The following ANGPT2 variants were observed in gnomAD, a reference collection of about 807,000 sequenced individuals.
ANGPT2 encodes angiopoietin 2, also known as angiopoietin-2.
ANGPT2 carries 28 observed loss-of-function variants against 62.9 expected under a neutral mutation model. The ratio of observed to expected loss-of-function variants is 0.44; its 90% CI spans 0.33 to 0.61. ANGPT2 has a LOEUF of 0.61. Ranked by LOEUF, ANGPT2 falls within the 20% of genes least tolerant of loss-of-function variation. The pLI, the probability that ANGPT2 is intolerant of heterozygous loss-of-function variation, is 0.03. For synonymous variants in ANGPT2, 284 were observed against 207.8 expected (o/e 1.37, Z -3.15); for missense variants, 727 against 594.9 (o/e 1.22, Z -2.31).
chr8:6,509,074 C>CAAAA lies in ANGPT2; in HGVS notation c.1197-13_1197-12insTTTT. 6.2e-7 allele frequency: 1 copy of CAAAA among 1,600,394 alleles called. No homozygotes were observed. The highest frequency in any genetic ancestry group is 8.5e-7 in the Non-Finnish European group (1 of 1,175,446). On this transcript the variant is annotated splice_polypyrimidine_tract_variant and intron_variant, in intron 7 of 8. Transcript: ENST00000629816. ...CTTTAAGGTGAATCCTGTAAGCGTG[C>CAAAA]AAAGAAAAAAAACACATTGGCTAGG...
intron 1 of ANGPT2, among the ~76,000 whole-genome samples, chr8:6,534,162 T>C (rs1156355763): frequency 6.6e-6 from 1 of 152,008 alleles, no homozygotes; most frequent in Non-Finnish European, 1.5e-5. Flanking sequence ...CCTCCATCTG[T>C]GGCCTCCACA....
intron 8 of ANGPT2, chr8:6,508,730 A>T: frequency 1.4e-6 from 1 of 703,828 alleles, no homozygotes; most frequent in Non-Finnish European, 2.3e-6. Flanking sequence ...CTTGCTGACA[A>T]GTCTAGCTCC....
chr8:6,532,013 C>T (rs1297830352), intron 2 of ANGPT2, among the ~76,000 whole-genome samples: 1 of 152,148 alleles, frequency 6.6e-6, no homozygotes, highest in East Asian at 1.9e-4. Context: ...GAAAATGATT[C>T]CCGGAGTCCA....
chr8:6,533,657 C>T (rs1819963852), intron 1 of ANGPT2, among the ~76,000 whole-genome samples: 2 of 145,508 alleles, frequency 1.4e-5, no homozygotes, highest in East Asian at 2.1e-4. Context: ...CGTGAGTGCA[C>T]AAACCATGTT....
intron 3 of ANGPT2, among the ~76,000 whole-genome samples, chr8:6,521,935 A>C (rs2515444): frequency 0.07 from 10,688 of 152,294 alleles, 456 homozygotes; most frequent in African/African-American, 0.11. Flanking sequence ...AGACTCAAGT[A>C]CTGGCTTACC....
intron 1 of ANGPT2, among the ~76,000 whole-genome samples, chr8:6,549,941 G>C (rs552824510): frequency 3.9e-5 from 6 of 152,242 alleles, no homozygotes; most frequent in Non-Finnish European, 8.8e-5. Context: ...TCGAGTCTGA[G>C]CTAGCTATAG....
chr8:6,503,279 A>G lies in ANGPT2; in HGVS notation c.1328-18T>C, dbSNP rs1283370883. ...CCACCAGCCTGTGAAAGTAAAACAC[A>G]GAAGGAATTAGGAACTAGGTGATGC... On this transcript the variant is annotated intron_variant, in intron 8 of 8. Coordinates refer to ENST00000629816, the MANE Select transcript of ANGPT2 (RefSeq NM_001118887.2). 2.5e-6 allele frequency: 4 copies of G among 1,613,840 alleles called. No individual in the cohort carries two copies. The highest frequency in any genetic ancestry group is 3.4e-6 in the Non-Finnish European group (4 of 1,179,912).
intron 1 of ANGPT2, among the ~76,000 whole-genome samples, chr8:6,544,513 C>G (rs1435272645): frequency 6.6e-6 from 1 of 152,140 alleles, no homozygotes; most frequent in Non-Finnish European, 1.5e-5. Context: ...AAAATACCAG[C>G]TCTAGGGATG....
chr8:6,552,005 A>C (rs1823736404), intron 1 of ANGPT2, among the ~76,000 whole-genome samples: 1 of 152,238 alleles, frequency 6.6e-6, no homozygotes, highest in African/African-American at 2.4e-5. Context: ...TACCCGGTAG[A>C]TGACCAAGAA....
intron 1 of ANGPT2, among the ~76,000 whole-genome samples, chr8:6,560,057 G>A (rs540553298): frequency 3.4e-4 from 52 of 152,328 alleles, no homozygotes; most frequent in Non-Finnish European, 6.8e-4. Flanking sequence ...CCACTCAGAG[G>A]TTGAACTACT....
chr8:6,560,082 A>C (rs939660839), intron 1 of ANGPT2, among the ~76,000 whole-genome samples: 10 of 152,204 alleles, frequency 6.6e-5, no homozygotes, highest in African/African-American at 2.2e-4. Context: ...ATTTGCCCTA[A>C]AATGAACCAG....
In ANGPT2 at chr8:6,547,251, G is replaced by A. The variant is rs185634394; in HGVS notation, c.289-14764C>T. Among the ~76,000 whole-genome samples the A allele has an allele frequency of 1.9e-3, 289 of 152,160 alleles. 2 individuals are homozygous for A. Among genetic ancestry groups the A allele is most frequent in the Non-Finnish European group, 3.3e-3 (223 of 67,996 alleles). On this transcript the variant is annotated intron_variant, in intron 1 of 8. Coordinates refer to ENST00000629816, the MANE Select transcript of ANGPT2 (RefSeq NM_001118887.2). ...TTACTTGCATGCCACAGCAATTCGG[G>A]AAGTAAACTTTCAGTGTGATTCTCC...
intron 5 of ANGPT2, among the ~76,000 whole-genome samples, chr8:6,515,954 G>A (rs1816188529): frequency 6.6e-6 from 1 of 152,118 alleles, no homozygotes; most frequent in Non-Finnish European, 1.5e-5. Flanking sequence ...GAAGTGCAGT[G>A]GCTGCCTGAT....
rs548735227 is a variant in ANGPT2 at position 6,555,989 on chromosome 8, G to A, written c.288+6658C>T. Among the ~76,000 whole-genome samples the A allele has an allele frequency of 9.2e-5, 14 of 152,200 alleles. No homozygotes were observed. The South Asian group carries it at 1.7e-3, about 18-fold the overall frequency. ...GAACAAAGCTGTGCTCTCAGCAATC[G>A]GAATCTGTCAAGTCTGCTGTGGGGA... On this transcript the variant is annotated intron_variant, in intron 1 of 8. Transcript: ENST00000629816.
At position 6,502,101 on chromosome 8, in the gene ANGPT2, A is replaced by C. The variant is rs985366345; in HGVS notation, c.*1000T>G. 1 of 152,184 alleles carries C rather than the reference A, an allele frequency of 6.6e-6. No homozygotes were observed. Among genetic ancestry groups the C allele is most frequent in the African/African-American group, 2.4e-5 (1 of 41,450 alleles). The allele number at this position is 152,184 out of a possible 1,614,324, so 9.4% of individuals were successfully genotyped here. ...TTGTAGTCTAGTTCTATAAAAATAT[A>C]TCTTACTAGGAAAGAAAACAGACCT... On this transcript the variant is annotated 3_prime_UTR_variant, in exon 9 of 9. Coordinates refer to ENST00000629816, the MANE Select transcript of ANGPT2 (RefSeq NM_001118887.2).
At chr8:6,537,491 A>G (rs1285167197) in intron 1 of ANGPT2, among the ~76,000 whole-genome samples, 1 of 152,066 alleles carries the variant, frequency 6.6e-6, no homozygotes, top group Non-Finnish European at 1.5e-5. Context: ...ATAGTCTTTA[A>G]AACTTGGCAG....
intron 1 of ANGPT2, among the ~76,000 whole-genome samples, chr8:6,557,450 G>C (rs1441636072): frequency 6.6e-6 from 1 of 152,152 alleles, no homozygotes; most frequent in Non-Finnish European, 1.5e-5. Flanking sequence ...TGGCTGCAAA[G>C]TTCAGTGGCT....
chr8:6,514,925 G>T (rs926365842), intron 5 of ANGPT2, 147 bp from the exon 6 acceptor site: 63 of 613,524 alleles, frequency 1.0e-4, no homozygotes, highest in South Asian at 1.0e-3. Context: ...CATCGGGGTT[G>T]TCTAAGAAAC....
In ANGPT2 at chr8:6,562,825, T is replaced by G; in HGVS notation, c.110A>C (p.Gln37Pro). 1 of 1,614,048 alleles carries G rather than the reference T, an allele frequency of 6.2e-7. No individual in the cohort carries two copies. Among genetic ancestry groups the G allele is most frequent in the Non-Finnish European group, 8.5e-7 (1 of 1,180,002 alleles). The change falls in exon 1 of 9, where the codon CAG (glutamine) becomes CCG (proline). Residue 37 changes from glutamine to proline, a missense_variant. Gln to Pro is a moderately conservative substitution (Grantham distance 76, BLOSUM62 -1). Transcript: ENST00000629816. ...GAAAGTGTAGCTGCAGGACCCATGC[T>G]GGACCTGATATTGCTTCTTTCCTAT... is the stretch of plus-strand genomic sequence containing the variant. The part of the protein sequence containing the change: ...DSIGKKQYQV[Q>P]HGSCSYTFLL...
Sources: gnomAD v4.1 joint callset for allele counts (sites outside exome capture counted in the v4.1 genomes callset) on GRCh38, gnomAD v4.1.1 for gene constraint, MANE v1.5 for transcripts, NCBI Gene and HGNC (gene_info 2026-07-23, HGNC 2026-07-21) for gene names.